The following HUWE1 variants were observed in gnomAD, a reference collection of about 807,000 sequenced individuals.
HUWE1 encodes HECT, UBA and WWE domain containing E3 ubiquitin protein ligase 1.
HUWE1 carries 18 observed loss-of-function variants against 299.4 expected under a neutral mutation model. That is an observed-to-expected ratio of 0.06 (90% confidence interval 0.04 to 0.09). The LOEUF (loss-of-function observed/expected upper bound fraction) is 0.09. Ranked by LOEUF, HUWE1 falls within the 10% of genes least tolerant of loss-of-function variation. The probability of loss-of-function intolerance (pLI) is 1.00; values close to 1 mark genes in which losing one functional copy is unlikely to be tolerated. For synonymous variants in HUWE1, 1,317 were observed against 1,286.1 expected (o/e 1.02, Z -0.51); for missense variants, 1,832 against 3,462.3 (o/e 0.53, Z 11.82).
rs1556941716 is a variant in HUWE1 at position 53,562,101 on chromosome X, C to A, written c.7338+10G>T. The A allele has an allele frequency of 8.3e-7, 1 of 1,209,463 alleles. No homozygotes were observed. The highest frequency in any genetic ancestry group is 1.1e-6 in the Non-Finnish European group (1 of 893,862). ...TCATCTGAACCAACCCAAACGCAGTCCCCCCTCACCTGATCATCTTCCTCA... is the reference window on the plus strand; with the variant it reads ...TCATCTGAACCAACCCAAACGCAGTACCCCCTCACCTGATCATCTTCCTCA... On this transcript the variant is annotated intron_variant, in intron 54 of 83. Transcript: ENST00000262854.
At chrX:53,546,906 T>C (rs1182311369) in intron 68 of HUWE1, 81 bp from the exon 69 acceptor site, 16 of 1,105,175 alleles carry the variant, frequency 1.4e-5, no homozygotes, top group Non-Finnish European at 1.8e-5. Context: ...AAGGAATCGC[T>C]GAATTGCCCA....
chrX:53,653,342 T>C (rs1405776929), intron 4 of HUWE1, among the ~76,000 whole-genome samples: 2 of 111,636 alleles, frequency 1.8e-5, no homozygotes, highest in East Asian at 5.6e-4. Flanking sequence ...TCAGCCCCAT[T>C]TTGCAGCTGT....
At chrX:53,591,188 G>A in intron 33 of HUWE1, 66 bp from the exon 34 acceptor site, 17 of 1,140,537 alleles carry the variant, frequency 1.5e-5, no homozygotes, top group Non-Finnish European at 2.0e-5. Context: ...TAAAAGGAAG[G>A]AACCTTTTCA....
At chrX:53,595,065 T>G (rs782475145) in intron 30 of HUWE1, 122 bp downstream of exon 30, 11 of 570,502 alleles carry the variant, frequency 1.9e-5, no homozygotes, top group Non-Finnish European at 3.2e-5. Context: ...TTTTCTAGAG[T>G]AAACAAGGGA....
chrX:53,558,022 C>G (rs1313615978), intron 59 of HUWE1, among the ~76,000 whole-genome samples: 1 of 111,459 alleles, frequency 9.0e-6, no homozygotes, highest in Admixed American at 9.5e-5. Context: ...TCAGTTTTTC[C>G]CCCTTTTATA....
At chrX:53,623,735 G>A (rs1443038429) in intron 19 of HUWE1, among the ~76,000 whole-genome samples, 3 of 111,986 alleles carry the variant, frequency 2.7e-5, no homozygotes, top group African/African-American at 9.7e-5. Context: ...AACAAAACAA[G>A]TATGTACTAA....
intron 82 of HUWE1, 56 bp from the exon 83 acceptor site, chrX:53,534,253 TG>T (rs1174187357): frequency 2.2e-5 from 22 of 1,007,702 alleles, no homozygotes; most frequent in African/African-American, 5.7e-5. Context: ...AGAAGCAGGG[TG>T]GGGGGGATGG....
intron 3 of HUWE1, among the ~76,000 whole-genome samples, chrX:53,666,317 C>A (rs1169922842): frequency 9.0e-6 from 1 of 110,735 alleles, no homozygotes; most frequent in Non-Finnish European, 1.9e-5. Flanking sequence ...TATGCTTTGC[C>A]ATTCTGTGAC....
chrX:53,544,546 C>G lies in HUWE1; in HGVS notation c.11251+14G>C. ...ACCAACCCTTCCCCTCAACTGGACA[C>G]TCTAGTTCCATACCTAGCCTGCCTG... On this transcript the variant is annotated intron_variant, in intron 72 of 83. Transcript: ENST00000262854. 8.4e-7 allele frequency: 1 copy of G among 1,195,662 alleles called. No homozygotes were observed. The highest frequency in any genetic ancestry group is 1.8e-5 in the South Asian group (1 of 56,316).
chrX:53,539,166 A>AAAT (rs2061220830), intron 75 of HUWE1, 86 bp from the exon 76 acceptor site: 1 of 987,155 alleles, frequency 1.0e-6, no homozygotes, highest in Admixed American at 2.5e-5. Flanking sequence ...CAAATTATAA[A>AAAT]AATAAATAAG....
Position 53,589,602 on chromosome X carries a change from A to G in HUWE1, c.4406T>C (p.Ile1469Thr). The G allele has an allele frequency of 8.3e-7, 1 of 1,210,698 alleles. No individual in the cohort carries two copies. The highest frequency in any genetic ancestry group is 1.8e-5 in the South Asian group (1 of 56,955). ...ACGATAATCTGCTCCATTACGTTTG[A>G]TTGCTGTCATGATCAGGTCACACAC... Reference protein sequence around the residue: ...YRVCDLIMTAIKRNGADYRDM... With the variant: ...YRVCDLIMTATKRNGADYRDM... The change falls in exon 36 of 84, where the codon ATC becomes ACC. Residue 1469 changes from isoleucine to threonine, a missense_variant. Transcript: ENST00000262854.
intron 3 of HUWE1, among the ~76,000 whole-genome samples, chrX:53,665,564 T>A (rs2069210699): frequency 8.9e-6 from 1 of 111,944 alleles, no homozygotes; most frequent in African/African-American, 3.3e-5. Flanking sequence ...CTGGGGAAGC[T>A]GCAGATCTGG....
chrX:53,629,666 A>G (rs781934110), intron 12 of HUWE1, 50 bp from the exon 13 acceptor site: 1 of 827,438 alleles, frequency 1.2e-6, no homozygotes, highest in South Asian at 2.1e-5. Flanking sequence ...TGGTCAAGCC[A>G]CTGCCCAATA....
chrX:53,533,822 A>C, intron 83 of HUWE1, 185 bp downstream of exon 83: 1 of 494,062 alleles, frequency 2.0e-6, no homozygotes, highest in East Asian at 3.6e-5. Flanking sequence ...GTGTCTCCCC[A>C]GCCCCCACTG....
At chrX:53,543,793 GA>G (rs2061445522) in intron 73 of HUWE1, 47 bp downstream of exon 73, 1 of 1,207,894 alleles carries the variant, frequency 8.3e-7, no homozygotes, top group South Asian at 1.8e-5. Context: ...ATGGTGGGGG[GA>G]TGAGTGGAGA....
rs1556966952 is a variant in HUWE1, at chrX:53,580,967, G to C, written c.5580C>G (p.Gly1860=). Residue 1860 remains glycine, a synonymous_variant, in exon 43 of 84, where the codon GGC becomes GGG. Coordinates refer to ENST00000262854, the MANE Select transcript of HUWE1 (RefSeq NM_031407.7). ...AGTTGATCTCCCGAGAGCCGAGGCTGCCAGACACAACACCAGAGGTAGTGC... is the reference window on the plus strand; with the variant it reads ...AGTTGATCTCCCGAGAGCCGAGGCTCCCAGACACAACACCAGAGGTAGTGC... ...AGSTTSGVVS[G]SLGSREINYI... 8.3e-7 allele frequency: 1 copy of C among 1,209,898 alleles called. No homozygotes were observed. Among genetic ancestry groups the C allele is most frequent in the African/African-American group, 1.7e-5 (1 of 57,765 alleles).
intron 60 of HUWE1, among the ~76,000 whole-genome samples, chrX:53,556,960 A>G (rs1556935477): frequency 1.8e-5 from 2 of 112,535 alleles, no homozygotes; most frequent in African/African-American, 6.5e-5. Flanking sequence ...GTTTCCACAG[A>G]GGACTGGCAT....
chrX:53,577,131 T>A, intron 43 of HUWE1, 64 bp from the exon 44 acceptor site: 4 of 872,745 alleles, frequency 4.6e-6, no homozygotes, highest in Non-Finnish European at 6.8e-6. Context: ...AGGTTACTAA[T>A]AAAGACTCAG....
intron 61 of HUWE1, among the ~76,000 whole-genome samples, chrX:53,553,820 T>TA (rs1556931613): frequency 2.3e-4 from 25 of 108,649 alleles, no homozygotes; most frequent in Middle Eastern, 4.7e-3. Flanking sequence ...AAAAAATAAA[T>TA]AAATAAAATA....
Sources: allele counts gnomAD v4.1 joint callset (sites outside exome capture counted in the v4.1 genomes callset), GRCh38; gene constraint gnomAD v4.1.1; transcripts MANE v1.5; gene names NCBI Gene and HGNC (gene_info 2026-07-23, HGNC 2026-07-21).